ATRX: variants seen among roughly 807,000 people sequenced by gnomAD.
ATRX encodes the protein chromatin remodeler ATRX.
ATRX carries 12 observed loss-of-function variants against 172.6 expected under a neutral mutation model. The ratio of observed to expected loss-of-function variants is 0.07; its 90% CI spans 0.04 to 0.11. ATRX has a LOEUF of 0.11. Ranked by LOEUF, ATRX falls within the 10% of genes least tolerant of loss-of-function variation. The pLI, the probability that ATRX is intolerant of heterozygous loss-of-function variation, is 1.00. For synonymous variants in ATRX, 674 were observed against 594.7 expected, an observed-to-expected ratio of 1.13 and a Z score of -1.94; for missense variants, 1,368 against 1,767.4, an observed-to-expected ratio of 0.77 and a Z score of 4.05.
At chrX:77,543,922 C>T (rs1433036367) in intron 30 of ATRX, among the ~76,000 whole-genome samples, 3 of 104,026 alleles carry the variant, frequency 2.9e-5, no homozygotes, top group Non-Finnish European at 5.9e-5. Context: ...CAAAACTGTA[C>T]TTTCTGCACA....
intron 1 of ATRX, among the ~76,000 whole-genome samples, chrX:77,767,181 C>T (rs1192239150): frequency 1.8e-5 from 2 of 108,177 alleles, no homozygotes; most frequent in Non-Finnish European, 3.9e-5. Flanking sequence ...TACAGTCCAG[C>T]TTCGGCTCGG....
rs45471991 is a variant in ATRX, at chrX:77,633,166, T to A, written c.5134+41A>T. On this transcript the variant is annotated intron_variant, in intron 19 of 34. Coordinates refer to ENST00000373344, the MANE Select transcript of ATRX (RefSeq NM_000489.6). ...TGTTAAAATATAAACACATTTTTTA[T>A]TCAACTTGCTTCTTTATGTCACTGT... The A allele has an allele frequency of 5.8e-3, 6,544 of 1,134,105 alleles. 15 individuals carry two copies. The highest frequency in any genetic ancestry group is 0.012 in the South Asian group (661 of 54,906). The allele number at this position is 1,134,105 out of a possible 1,213,427, so 93.5% of individuals were successfully genotyped here.
chrX:77,548,631 G>A (rs2064338518), intron 30 of ATRX, among the ~76,000 whole-genome samples: 2 of 112,351 alleles, frequency 1.8e-5, no homozygotes, highest in South Asian at 3.7e-4. Context: ...GAAAGTTCCT[G>A]AAATAAGTGG....
In ATRX at chrX:77,682,285, C is replaced by G. The variant is rs782574426; in HGVS notation, c.2971G>C (p.Glu991Gln). 3 of 1,195,992 alleles carry G rather than the reference C, an allele frequency of 2.5e-6. No individual in the cohort carries two copies. Among genetic ancestry groups the G allele is most frequent in the Non-Finnish European group, 3.4e-6 (3 of 891,245 alleles). Reference protein sequence around the residue: ...DKKQSKKGTEEKKKPSDFKKK... With the variant: ...DKKQSKKGTEQKKKPSDFKKK... ...TTAAAGTCTGAAGGTTTCTTTTTTT[C>G]TTCAGTTCCCTTTTTGCTCTGCTTT... The change falls in exon 9 of 35, where the codon GAA becomes CAA. Residue 991 changes from glutamate (E) to glutamine (Q), a missense_variant. Physicochemically the swap from Glu to Gln is conservative, Grantham distance 29 (BLOSUM62 2). Coordinates refer to ENST00000373344, the MANE Select transcript of ATRX (RefSeq NM_000489.6).
intron 27 of ATRX, among the ~76,000 whole-genome samples, chrX:77,585,201 G>A (rs1406183881): frequency 4.5e-5 from 5 of 110,717 alleles, no homozygotes; most frequent in Admixed American, 1.9e-4. Flanking sequence ...CACTGCTGGT[G>A]GGAACACAAA....
intron 15 of ATRX, among the ~76,000 whole-genome samples, chrX:77,647,230 A>C (rs922113208): frequency 8.9e-6 from 1 of 112,151 alleles, no homozygotes; most frequent in African/African-American, 3.2e-5. Context: ...TGAAAGTTAA[A>C]ACACAAAATA....
intron 34 of ATRX, among the ~76,000 whole-genome samples, chrX:77,509,644 T>C (rs920050901): frequency 2.7e-5 from 3 of 110,888 alleles, no homozygotes; most frequent in Non-Finnish European, 5.7e-5. Context: ...ACAGTGATTA[T>C]GGGACTCTGC....
intron 22 of ATRX, among the ~76,000 whole-genome samples, chrX:77,609,353 G>T (rs2067056144): frequency 8.9e-6 from 1 of 112,127 alleles, no homozygotes; most frequent in Non-Finnish European, 1.9e-5. Context: ...ACAGATGAAT[G>T]AATAAAGAAA....
At chrX:77,520,710 G>A (rs1482673334) in intron 34 of ATRX, 78 bp downstream of exon 34, 8 of 1,043,343 alleles carry the variant, frequency 7.7e-6, no homozygotes, top group Admixed American at 4.7e-5. Flanking sequence ...AATTACTGAC[G>A]TAGATGTCAT....
chrX:77,649,654 T>TG (rs1420413533), intron 15 of ATRX, among the ~76,000 whole-genome samples: 2 of 111,630 alleles, frequency 1.8e-5, no homozygotes, highest in Non-Finnish European at 3.8e-5. Flanking sequence ...AGGTCTTTCC[T>TG]GTGCTGTTCT....
intron 25 of ATRX, chrX:77,595,020 C>T (rs949535990): frequency 9.0e-6 from 1 of 111,664 alleles, no homozygotes; most frequent in Admixed American, 9.5e-5. Flanking sequence ...ATAACTGCAA[C>T]GAATGCTCAT....
intron 30 of ATRX, among the ~76,000 whole-genome samples, chrX:77,542,563 A>C (rs1389765234): frequency 8.9e-6 from 1 of 112,001 alleles, no homozygotes; most frequent in Non-Finnish European, 1.9e-5. Context: ...CCTGACTTCA[A>C]ACTATACCAC....
intron 1 of ATRX, among the ~76,000 whole-genome samples, chrX:77,750,499 C>T (rs1168913033): frequency 9.0e-6 from 1 of 110,943 alleles, no homozygotes; most frequent in African/African-American, 3.3e-5. Context: ...ATTTTATTAA[C>T]GCGCATAGTA....
intron 1 of ATRX, among the ~76,000 whole-genome samples, chrX:77,745,564 A>T (rs1238193241): frequency 3.6e-5 from 4 of 111,532 alleles, no homozygotes; most frequent in Non-Finnish European, 7.5e-5. Context: ...AGAGATAGAG[A>T]GTAGAATGAT....
intron 9 of ATRX, among the ~76,000 whole-genome samples, chrX:77,677,165 T>C (rs1384683344): frequency 9.0e-6 from 1 of 111,043 alleles, no homozygotes; most frequent in East Asian, 2.8e-4. Flanking sequence ...TCATTCTATA[T>C]AAATTTTACT....
intron 28 of ATRX, among the ~76,000 whole-genome samples, chrX:77,570,341 G>A (rs1483239927): frequency 1.8e-5 from 2 of 108,723 alleles, no homozygotes; most frequent in Non-Finnish European, 3.8e-5. Context: ...ACCATGCCTG[G>A]GTATTTTTTT....
chrX:77,563,741 A>G (rs868911821), intron 28 of ATRX, among the ~76,000 whole-genome samples: 28 of 97,406 alleles, frequency 2.9e-4, no homozygotes, highest in African/African-American at 9.2e-4. Flanking sequence ...GTGTGTGTGT[A>G]GACATATTAC....
chrX:77,552,093 C>T (rs1373540487), intron 30 of ATRX, among the ~76,000 whole-genome samples: 1 of 111,211 alleles, frequency 9.0e-6, no homozygotes, highest in Non-Finnish European at 1.9e-5. Context: ...CTAGAAATAC[C>T]ATTTGACCCA....
chrX:77,505,338 G>A lies in ATRX; in HGVS notation c.*3013C>T, dbSNP rs1401094541. 1 of 172,616 alleles carries A rather than the reference G, an allele frequency of 5.8e-6. No individual in the cohort carries two copies. The highest frequency in any genetic ancestry group is 3.0e-5 in the African/African-American group (1 of 33,716). 14.2% of individuals were successfully genotyped at this position (172,616 alleles called of 1,213,427 possible). On this transcript the variant is annotated 3_prime_UTR_variant, in exon 35 of 35. Coordinates refer to ENST00000373344, the MANE Select transcript of ATRX (RefSeq NM_000489.6). ...CTACAAAATATTCAGCTCATTTGGA[G>A]GCCAGGTAATAAGGAAGCTTCTGAA...
Sources: allele counts gnomAD v4.1 joint callset (sites outside exome capture counted in the v4.1 genomes callset), GRCh38; gene constraint gnomAD v4.1.1; transcripts MANE v1.5; gene names NCBI Gene and HGNC (gene_info 2026-07-23, HGNC 2026-07-21).